PTGFRN: variants seen among roughly 807,000 people sequenced by gnomAD.
PTGFRN encodes the protein prostaglandin F2 receptor negative regulator.
Under a neutral mutation model 83.2 loss-of-function variants are expected in PTGFRN, and 35 were observed. The ratio of observed to expected loss-of-function variants is 0.42; its 90% confidence interval spans 0.32 to 0.56. The LOEUF (loss-of-function observed/expected upper bound fraction) is 0.56, where lower values mean the gene tolerates loss of function less well. Ranked by LOEUF, PTGFRN falls within the 20% of genes least tolerant of loss-of-function variation. The pLI is 0.11. For synonymous variants in PTGFRN, 519 were observed against 498.6 expected, an observed-to-expected ratio of 1.04 and a Z score of -0.55; for missense variants, 1,051 against 1,179.5, an observed-to-expected ratio of 0.89 and a Z score of 1.60.
At chr1:116,983,498 CAAAAAAAAAAAAA>C (rs71096893) in intron 7 of PTGFRN, among the ~76,000 whole-genome samples, 2,764 of 104,070 alleles carry the variant, frequency 0.027, 50 homozygotes, top group Non-Finnish European at 0.041. Context: ...ACACTGGGAA[CAAAAAAAAAAAAA>C]AAAAAAAAAA....
chr1:116,988,042 C>T lies in PTGFRN; in HGVS notation c.*1075C>T, dbSNP rs974476478. The T allele has an allele frequency of 2.0e-5, 3 of 152,186 alleles. No homozygotes were observed. Among genetic ancestry groups the T allele is most frequent in the Non-Finnish European group, 4.4e-5 (3 of 68,040 alleles). 9.4% of individuals were successfully genotyped at this position (152,186 alleles called of 1,614,324 possible). ...CCACAGATATGCCATGTCCTTCACA[C>T]GTGCTTGGGCTCCTTAACCTGAAGG... is the stretch of plus-strand genomic sequence containing the variant. On this transcript the variant is annotated 3_prime_UTR_variant, in exon 9 of 9. Transcript: ENST00000393203.
At chr1:116,951,253 C>A (rs1398353622) in intron 4 of PTGFRN, among the ~76,000 whole-genome samples, 1 of 152,212 alleles carries the variant, frequency 6.6e-6, no homozygotes, top group East Asian at 1.9e-4. Context: ...GAGGAATGGG[C>A]TCCTTTAACT....
chr1:116,949,435 T>G lies in PTGFRN; in HGVS notation c.1076T>G (p.Leu359Arg). 6.2e-7 allele frequency: 1 copy of G among 1,614,242 alleles called. No individual in the cohort carries two copies. The highest frequency in any genetic ancestry group is 8.5e-7 in the Non-Finnish European group (1 of 1,180,042). Reference sequence around the variant, plus strand: ...GTGGATGCACGCTCCTACCATTTACTGGTTCGGGATGTTAGCAAAGAAAAC... The same window carrying G: ...GTGGATGCACGCTCCTACCATTTACGGGTTCGGGATGTTAGCAAAGAAAAC... ...SHVDARSYHL[L>R]VRDVSKENSG... Residue 359 changes from leucine (L) to arginine (R), a missense_variant, in exon 4 of 9, where the codon CTG (leucine) becomes CGG (arginine). Coordinates refer to ENST00000393203, the MANE Select transcript of PTGFRN (RefSeq NM_020440.4).
intron 7 of PTGFRN, among the ~76,000 whole-genome samples, chr1:116,979,543 A>G (rs575486415): frequency 1.4e-4 from 21 of 152,330 alleles, no homozygotes; most frequent in Admixed American, 5.2e-4. Context: ...ATGGAAAAGA[A>G]CAGAGCCCTC....
Position 116,923,694 on chromosome 1 carries a change from G to T in PTGFRN, c.49+13442G>T, listed in dbSNP as rs1557958379. Among the ~76,000 whole-genome samples, 2 of 152,106 alleles carry T rather than the reference G, an allele frequency of 1.3e-5. No homozygotes were observed. Among genetic ancestry groups the T allele is most frequent in the Non-Finnish European group, 2.9e-5 (2 of 68,026 alleles). On this transcript the variant is annotated intron_variant, in intron 1 of 8. Transcript: ENST00000393203. This position sits in a 1 kb window ranked among gnomAD's most constrained non-coding sequence, Gnocchi z 4.0. ...TATGCGTCGAGTGCCTCGTGGCTGG[G>T]TTCATTCAAACCATGGATCATCTGC...
At chr1:116,951,911 T>TA (rs1650364081) in intron 4 of PTGFRN, among the ~76,000 whole-genome samples, 1 of 152,178 alleles carries the variant, frequency 6.6e-6, no homozygotes, top group Admixed American at 6.5e-5. Context: ...TTGGGACCAA[T>TA]ATAAGGTAAC....
At chr1:116,910,654 G>A (rs568607895) in intron 1 of PTGFRN, among the ~76,000 whole-genome samples, 1 of 152,054 alleles carries the variant, frequency 6.6e-6, no homozygotes, top group East Asian at 2.0e-4. Context: ...GGAAATGTGA[G>A]CCTTTGATAT....
Position 116,952,586 on chromosome 1 carries a change from TTATTA to T in PTGFRN, c.1213+3019_1213+3023del, listed in dbSNP as rs200876008. Reference sequence around the variant, plus strand: ...TTGCAAGGTGGTTGGTATGAATTAGTTATTATATTTGAGCACTGAATTTGCCTCTG... The same window carrying T: ...TTGCAAGGTGGTTGGTATGAATTAGTTATTTGAGCACTGAATTTGCCTCTG... On this transcript the variant is annotated intron_variant, in intron 4 of 8. Coordinates refer to ENST00000393203, the MANE Select transcript of PTGFRN (RefSeq NM_020440.4). This position sits in a 1 kb window ranked among gnomAD's most constrained non-coding sequence, Gnocchi z 4.0. Among the ~76,000 whole-genome samples the T allele has an allele frequency of 7.0e-5, 10 of 141,916 alleles. No homozygotes were observed. The East Asian group carries it at 2.0e-3, about 29-fold the overall frequency. The allele number at this position is 141,916 out of a possible 152,430, so 93.1% of individuals were successfully genotyped here. A position where few individuals can be genotyped will look rare whatever the true frequency, so the allele number is the denominator to read the frequency against.
chr1:116,974,965 C>T (rs1651105334), intron 7 of PTGFRN, among the ~76,000 whole-genome samples: 2 of 152,212 alleles, frequency 1.3e-5, no homozygotes, highest in African/African-American at 4.8e-5. Context: ...TAGGGAATTC[C>T]CTTTCCTAGC....
At chr1:116,947,397 A>G (rs1213658750) in intron 3 of PTGFRN, among the ~76,000 whole-genome samples, 2 of 152,216 alleles carry the variant, frequency 1.3e-5, no homozygotes, top group East Asian at 1.9e-4. Context: ...TTTCATTACA[A>G]ATACTTAGAA....
At chr1:116,929,927 A>G (rs971148650) in intron 1 of PTGFRN, among the ~76,000 whole-genome samples, 1 of 152,148 alleles carries the variant, frequency 6.6e-6, no homozygotes, top group African/African-American at 2.4e-5. Context: ...CTTACTTTCC[A>G]GATCCCATAC....
At chr1:116,926,907 C>T (rs933545055) in intron 1 of PTGFRN, among the ~76,000 whole-genome samples, 1 of 152,170 alleles carries the variant, frequency 6.6e-6, no homozygotes, top group East Asian at 1.9e-4. Context: ...AGTCACTAGT[C>T]AGCTGTCTTG....
At chr1:116,929,655 G>C (rs1649743945) in intron 1 of PTGFRN, among the ~76,000 whole-genome samples, 3 of 152,178 alleles carry the variant, frequency 2.0e-5, no homozygotes, top group South Asian at 2.1e-4. Context: ...CCCTCTCAGA[G>C]AGGCCTTTCC....
Position 116,911,879 on chromosome 1 carries a change from T to C in PTGFRN, c.49+1627T>C, listed in dbSNP as rs556528137. 8.5e-5 allele frequency among the ~76,000 whole-genome samples: 13 copies of C among 152,358 alleles called. No homozygotes were observed. The East Asian group carries it at 2.5e-3, about 29-fold the overall frequency. ...GTATGTTAGTGGCGCACTGCTGTTA[T>C]AGTCCACACACATTAATTGACTTTA... On this transcript the variant is annotated intron_variant, in intron 1 of 8. Coordinates refer to ENST00000393203, the MANE Select transcript of PTGFRN (RefSeq NM_020440.4).
intron 3 of PTGFRN, among the ~76,000 whole-genome samples, chr1:116,947,608 A>G (rs566620005): frequency 6.6e-6 from 1 of 152,290 alleles, no homozygotes; most frequent in Admixed American, 6.5e-5. Context: ...TTCTCCATCC[A>G]TACAGTCCAC....
chr1:116,931,968 A>T (rs1199502981), intron 1 of PTGFRN, among the ~76,000 whole-genome samples: 1 of 152,214 alleles, frequency 6.6e-6, no homozygotes, highest in Non-Finnish European at 1.5e-5. Context: ...GTACCACTGG[A>T]TTCAATAACT....
intron 1 of PTGFRN, among the ~76,000 whole-genome samples, chr1:116,935,731 C>A (rs1195731830): frequency 6.6e-6 from 1 of 152,076 alleles, no homozygotes; most frequent in African/African-American, 2.4e-5. Flanking sequence ...GTGGTAACTG[C>A]CCCGAGAGGT....
intron 4 of PTGFRN, among the ~76,000 whole-genome samples, chr1:116,960,189 A>G (rs748735821): frequency 1.3e-5 from 2 of 152,228 alleles, no homozygotes; most frequent in Non-Finnish European, 2.9e-5. Flanking sequence ...CTGGGGACCC[A>G]GGACCAGGTG....
At position 116,952,800 on chromosome 1, in the gene PTGFRN, C is replaced by T. The variant is rs1650384577; in HGVS notation, c.1213+3228C>T. 6.6e-6 allele frequency among the ~76,000 whole-genome samples: 1 copy of T among 152,148 alleles called. No homozygotes were observed. The highest frequency in any genetic ancestry group is 1.5e-5 in the Non-Finnish European group (1 of 68,040). ...CTTTCAACTGTTCTTTTACAAAAGG[C>T]CCTAAATGATGGTTTAAATGGATGT... On this transcript the variant is annotated intron_variant, in intron 4 of 8. Coordinates refer to ENST00000393203, the MANE Select transcript of PTGFRN (RefSeq NM_020440.4). This position sits in a 1 kb window ranked among gnomAD's most constrained non-coding sequence, Gnocchi z 4.0.
Sources: gnomAD v4.1 joint callset for allele counts (sites outside exome capture counted in the v4.1 genomes callset) on GRCh38, gnomAD v4.1.1 for gene constraint, Gnocchi (gnomAD v3.1) non-coding constraint, MANE v1.5 for transcripts, NCBI Gene and HGNC (gene_info 2026-07-23, HGNC 2026-07-21) for gene names.